The following CCSER1 variants were observed in gnomAD, a reference collection of about 807,000 sequenced individuals.
CCSER1 encodes serine-rich coiled-coil domain-containing protein 1.
In CCSER1, 41 loss-of-function variants were observed where a neutral mutation model predicts 82.0. That is an observed-to-expected ratio of 0.50 (90% CI 0.39 to 0.65). CCSER1 has a LOEUF of 0.65. CCSER1 is among the 30% of genes least tolerant of loss of function. The pLI is 0.00. For missense variants in CCSER1, 1,119 were observed against 1,064.2 expected, an observed-to-expected ratio of 1.05 and a Z score of -0.72; for synonymous variants, 414 against 383.9, an observed-to-expected ratio of 1.08 and a Z score of -0.92.
Position 90,818,073 on chromosome 4 carries a change from C to T in CCSER1, c.2094+2228C>T, listed in dbSNP as rs531102888. On this transcript the variant is annotated intron_variant, in intron 8 of 10. Transcript: ENST00000509176. ...TCTTGACCACTGTTATTATCACAAG[C>T]AATTGTATCTACATGTATGCTGTAG... 7.2e-5 allele frequency among the ~76,000 whole-genome samples: 11 copies of T among 152,096 alleles called. No homozygotes were observed. In the South Asian group the frequency reaches 2.3e-3, roughly 32 times the overall value.
chr4:90,900,238 T>C (rs1724430304), intron 8 of CCSER1, among the ~76,000 whole-genome samples: 1 of 151,804 alleles, frequency 6.6e-6, no homozygotes, highest in South Asian at 2.1e-4. Flanking sequence ...CTTTGGGTTT[T>C]CTAGATTGTC....
At chr4:90,909,285 G>C (rs1045719927) in intron 8 of CCSER1, among the ~76,000 whole-genome samples, 3 of 151,988 alleles carry the variant, frequency 2.0e-5, no homozygotes, top group African/African-American at 7.2e-5. Context: ...ATCTGCAAAG[G>C]CCCTATTTCC....
At chr4:90,367,392 T>C (rs1439014238) in intron 3 of CCSER1, among the ~76,000 whole-genome samples, 1 of 151,866 alleles carries the variant, frequency 6.6e-6, no homozygotes, top group African/African-American at 2.4e-5. Flanking sequence ...TGAGGTAACA[T>C]GAAATAATAA....
At chr4:90,128,057 C>G (rs956810996) in intron 1 of CCSER1, among the ~76,000 whole-genome samples, 2 of 151,962 alleles carry the variant, frequency 1.3e-5, no homozygotes, top group Non-Finnish European at 2.9e-5. Flanking sequence ...CACCGGCCCG[C>G]GACTCCCAGT....
At chr4:91,384,474 C>CTT (rs200044961) in intron 10 of CCSER1, among the ~76,000 whole-genome samples, 1 of 150,672 alleles carries the variant, frequency 6.6e-6, no homozygotes, top group African/African-American at 2.4e-5. Flanking sequence ...AGTCAAAAAT[C>CTT]TTTTTTTTTA....
At chr4:90,580,244 A>G (rs1433531172) in intron 5 of CCSER1, among the ~76,000 whole-genome samples, 1 of 152,136 alleles carries the variant, frequency 6.6e-6, no homozygotes, top group African/African-American at 2.4e-5. Context: ...CCAAAGCTGA[A>G]ATACCACAGG....
At chr4:90,851,872 C>T (rs888097400) in intron 8 of CCSER1, among the ~76,000 whole-genome samples, 2 of 152,010 alleles carry the variant, frequency 1.3e-5, no homozygotes, top group Non-Finnish European at 2.9e-5. Context: ...GTTAATATTA[C>T]TCCTCAGTTT....
At chr4:90,228,947 G>A (rs192487720) in intron 1 of CCSER1, among the ~76,000 whole-genome samples, 1,597 of 152,258 alleles carry the variant, frequency 0.01, 57 homozygotes, top group Admixed American at 0.067. Flanking sequence ...AACGAGCAAA[G>A]CCTCCAAGAA....
At chr4:91,343,485 A>G (rs1747857474) in intron 10 of CCSER1, among the ~76,000 whole-genome samples, 2 of 152,144 alleles carry the variant, frequency 1.3e-5, no homozygotes, top group South Asian at 2.1e-4. Context: ...TACATTTTCT[A>G]GAGATAAAAG....
chr4:90,715,311 A>G (rs1165654430), intron 6 of CCSER1, among the ~76,000 whole-genome samples: 1 of 151,958 alleles, frequency 6.6e-6, no homozygotes, highest in Non-Finnish European at 1.5e-5. Flanking sequence ...TAATTTCTGA[A>G]CCTTCCAAAC....
chr4:90,941,045 AC>A (rs770962301), intron 9 of CCSER1, among the ~76,000 whole-genome samples: 22 of 152,106 alleles, frequency 1.4e-4, no homozygotes, highest in Non-Finnish European at 2.6e-4. Context: ...CTCTTTATGA[AC>A]TAGGGATAAT....
chr4:90,561,415 T>G (rs1417241451), intron 5 of CCSER1, among the ~76,000 whole-genome samples: 1 of 152,236 alleles, frequency 6.6e-6, no homozygotes, highest in African/African-American at 2.4e-5. Flanking sequence ...GTTTATATCT[T>G]TAATTTAGCT....
At chr4:90,685,386 C>T (rs62314423) in intron 6 of CCSER1, among the ~76,000 whole-genome samples, 18,424 of 152,020 alleles carry the variant, frequency 0.12, 1,238 homozygotes, top group East Asian at 0.23. Context: ...TTATCCAATT[C>T]CTACAAAATA....
chr4:90,700,743 T>C (rs542397968), intron 6 of CCSER1, among the ~76,000 whole-genome samples: 1 of 152,382 alleles, frequency 6.6e-6, no homozygotes, highest in African/African-American at 2.4e-5. Flanking sequence ...TGACCAGTGA[T>C]GATGAGCATT....
chr4:90,613,110 G>A (rs1720560782), intron 5 of CCSER1, among the ~76,000 whole-genome samples: 1 of 152,100 alleles, frequency 6.6e-6, no homozygotes, highest in Non-Finnish European at 1.5e-5. Flanking sequence ...TTTAGTCTTA[G>A]GTGTGCCCAA....
intron 10 of CCSER1, among the ~76,000 whole-genome samples, chr4:91,439,721 C>G (rs1754972069): frequency 6.6e-6 from 1 of 151,796 alleles, no homozygotes; most frequent in Non-Finnish European, 1.5e-5. Flanking sequence ...GGAAACCCAT[C>G]TCACGTGCAG....
chr4:91,129,563 T>C (rs746964018), intron 10 of CCSER1, among the ~76,000 whole-genome samples: 3 of 151,902 alleles, frequency 2.0e-5, no homozygotes, highest in Non-Finnish European at 2.9e-5. Flanking sequence ...TAAGATATAA[T>C]GGAAACTTAA....
At position 90,932,970 on chromosome 4, in the gene CCSER1, GA is replaced by G. The variant is rs1190944883; in HGVS notation, c.2172+9526del. Among the ~76,000 whole-genome samples the G allele has an allele frequency of 3.2e-3, 101 of 31,978 alleles. 21 individuals carry two copies. The highest frequency in any genetic ancestry group is 4.4e-3 in the Non-Finnish European group (81 of 18,414). The allele number at this position is 31,978 out of a possible 152,430, so 21.0% of individuals were successfully genotyped here. A position where few individuals can be genotyped will look rare whatever the true frequency, so the allele number is the denominator to read the frequency against. ...AGAAAGAAAGAAAGAAAGAAAGAAA[GA>G]AAGAAAGAAAGAGAAAGAAAGAAAG... On this transcript the variant is annotated intron_variant, in intron 9 of 10. Coordinates refer to ENST00000509176, the MANE Select transcript of CCSER1 (RefSeq NM_001145065.2).
chr4:91,454,887 C>T (rs1471295723), intron 10 of CCSER1, among the ~76,000 whole-genome samples: 1 of 151,720 alleles, frequency 6.6e-6, no homozygotes, highest in Non-Finnish European at 1.5e-5. Context: ...TTTAGCATCT[C>T]GATTTTGAAA....
Sources: allele counts gnomAD v4.1 joint callset (sites outside exome capture counted in the v4.1 genomes callset), GRCh38; gene constraint gnomAD v4.1.1; transcripts MANE v1.5; gene names NCBI Gene and HGNC (gene_info 2026-07-23, HGNC 2026-07-21).